The following CPEB3 variants were observed in gnomAD, a reference collection of about 807,000 sequenced individuals.
CPEB3 encodes the protein cytoplasmic polyadenylation element-binding protein 3.
CPEB3 carries 20 observed loss-of-function variants against 67.2 expected under a neutral mutation model. The observed-to-expected ratio is 0.30, with a 90% CI of 0.21 to 0.43. The LOEUF is 0.43. CPEB3 is among the 20% of genes least tolerant of loss of function. The pLI is 1.00. For missense variants in CPEB3, 746 were observed against 968.6 expected (o/e 0.77, Z 3.05); for synonymous variants, 376 against 393.1 (o/e 0.96, Z 0.51).
At position 92,188,352 on chromosome 10, in the gene CPEB3, A is replaced by C. The variant is rs959172899; in HGVS notation, c.1165+4125T>G. 4.9e-5 allele frequency among the ~76,000 whole-genome samples: 6 copies of C among 122,338 alleles called. No individual in the cohort carries two copies. In the East Asian group the frequency reaches 9.5e-4, roughly 19 times the overall value. The allele number at this position is 122,338 out of a possible 152,430, so 80.3% of individuals were successfully genotyped here. A position where few individuals can be genotyped will look rare whatever the true frequency, so the allele number is the denominator to read the frequency against. ...AAAAAAAAAAAAAAAAAAAAAAAAA[A>C]CCCAGGAGATTATTACCTTATTCCG... On this transcript the variant is annotated intron_variant, in intron 3 of 9. Coordinates refer to ENST00000265997, the MANE Select transcript of CPEB3 (RefSeq NM_014912.5).
chr10:92,254,943 A>G (rs1002130628), intron 1 of CPEB3, among the ~76,000 whole-genome samples: 1 of 151,494 alleles, frequency 6.6e-6, no homozygotes, highest in Non-Finnish European at 1.5e-5. Flanking sequence ...CCGGGCCTCC[A>G]GTTATTCTCC....
rs1403972572 is a variant in CPEB3 at position 92,239,925 on chromosome 10, A to G, written c.426T>C (p.His142=). The G allele has an allele frequency of 6.2e-7, 1 of 1,613,164 alleles. No homozygotes were observed. Among genetic ancestry groups the G allele is most frequent in the Non-Finnish European group, 8.5e-7 (1 of 1,179,662 alleles). The change falls in exon 2 of 10, where the codon CAT becomes CAC. Residue 142 remains histidine (H), a synonymous_variant. Coordinates refer to ENST00000265997, the MANE Select transcript of CPEB3 (RefSeq NM_014912.5). The surrounding 1 kb of genome is among the most constrained non-coding windows in gnomAD (Gnocchi z 6.0). ...GTMLFQNFPH[H]VNPVFGGTFS... is the part of the protein sequence containing the mutation. ...AAGTGCCTCCGAAGACTGGGTTGAC[A>G]TGGTGCGGGAAGTTCTGGAAGAGCA...
intron 4 of CPEB3, among the ~76,000 whole-genome samples, chr10:92,155,615 G>C (rs149704314): frequency 6.6e-6 from 1 of 152,282 alleles, no homozygotes; most frequent in East Asian, 1.9e-4. Flanking sequence ...TTTTCTGTCC[G>C]TTCTTTTTTC....
chr10:92,191,189 G>A (rs1214951820), intron 3 of CPEB3, among the ~76,000 whole-genome samples: 1 of 151,968 alleles, frequency 6.6e-6, no homozygotes, highest in Non-Finnish European at 1.5e-5. Context: ...ATCACTAGAG[G>A]TCAGGAGTCT....
intron 6 of CPEB3, among the ~76,000 whole-genome samples, chr10:92,133,008 A>C (rs930353268): frequency 6.6e-6 from 1 of 152,244 alleles, no homozygotes; most frequent in Non-Finnish European, 1.5e-5. Context: ...TCTGGGACAC[A>C]TTTAAAGCAG....
At chr10:92,063,168 T>C (rs1454818478) in intron 9 of CPEB3, among the ~76,000 whole-genome samples, 1 of 152,250 alleles carries the variant, frequency 6.6e-6, no homozygotes, top group African/African-American at 2.4e-5. Flanking sequence ...GCTTTGTTTC[T>C]AACAAGCTAG....
chr10:92,188,320 TAAAAAAAAAAAAAAAA>T lies in CPEB3; in HGVS notation c.1165+4141_1165+4156del, dbSNP rs756970118. On this transcript the variant is annotated intron_variant, in intron 3 of 9. Transcript: ENST00000265997. ...AAAGAAAAGTATATGTAAGACATAG[TAAAAAAAAAAAAAAAA>T]AAAAAAAAAAAAAAAACCCAGGAGA... Among the ~76,000 whole-genome samples the T allele has an allele frequency of 2.2e-4, 8 of 36,966 alleles. No individual in the cohort carries two copies. In the East Asian group the frequency reaches 5.3e-3, roughly 24 times the overall value. The allele number at this position is 36,966 out of a possible 152,430, so 24.3% of individuals were successfully genotyped here.
At chr10:92,213,607 C>T (rs959466938) in intron 2 of CPEB3, among the ~76,000 whole-genome samples, 2 of 152,158 alleles carry the variant, frequency 1.3e-5, no homozygotes, top group African/African-American at 4.8e-5. Flanking sequence ...AGGCTATAAA[C>T]ATGTCCTAAA....
intron 1 of CPEB3, among the ~76,000 whole-genome samples, chr10:92,285,991 AGT>A (rs1209204874): frequency 6.7e-6 from 1 of 148,874 alleles, no homozygotes; most frequent in Admixed American, 6.7e-5. Context: ...GCTGGAGTGC[AGT>A]GGTACAATCT....
intron 1 of CPEB3, among the ~76,000 whole-genome samples, chr10:92,258,670 ATATATATATT>A (rs1852647916): frequency 9.3e-6 from 1 of 107,246 alleles, no homozygotes; most frequent in African/African-American, 3.4e-5. Context: ...ATATATATAT[ATATATATATT>A]TCATGTATTT....
rs115234904 is a variant in CPEB3 at position 92,185,913 on chromosome 10, C to T, written c.1166-4894G>A. Among the ~76,000 whole-genome samples the T allele has an allele frequency of 8.2e-3, 1,244 of 152,240 alleles. 23 individuals carry two copies. The highest frequency in any genetic ancestry group is 0.029 in the African/African-American group (1,189 of 41,524). On this transcript the variant is annotated intron_variant, in intron 3 of 9. Coordinates refer to ENST00000265997, the MANE Select transcript of CPEB3 (RefSeq NM_014912.5). ...GATAAAACTTTGATACTAAAATATT[C>T]TAAATATGTTCCAAATAACCAATAA...
intron 1 of CPEB3, among the ~76,000 whole-genome samples, chr10:92,246,328 C>T (rs528899817): frequency 3.0e-4 from 44 of 148,278 alleles, no homozygotes; most frequent in Middle Eastern, 3.4e-3. Context: ...AGCGAGACTC[C>T]GTCTCAAAAA....
At chr10:92,058,946 CA>C (rs1488264060) in intron 9 of CPEB3, among the ~76,000 whole-genome samples, 2 of 151,932 alleles carry the variant, frequency 1.3e-5, no homozygotes, top group African/African-American at 2.4e-5. Context: ...TTAAAACATT[CA>C]AAAAAATTGA....
intron 6 of CPEB3, among the ~76,000 whole-genome samples, chr10:92,136,482 T>A (rs1434577981): frequency 6.6e-6 from 1 of 151,720 alleles, no homozygotes; most frequent in African/African-American, 2.4e-5. Context: ...CTCAAACAAC[T>A]CAATAGGAAA....
At chr10:92,086,911 A>G (rs1236857253) in intron 8 of CPEB3, among the ~76,000 whole-genome samples, 1 of 152,242 alleles carries the variant, frequency 6.6e-6, no homozygotes, top group Non-Finnish European at 1.5e-5. Flanking sequence ...TTATCCCTAA[A>G]GGTAATACAG....
intron 8 of CPEB3, among the ~76,000 whole-genome samples, chr10:92,090,916 T>A (rs957387306): frequency 6.6e-6 from 1 of 152,220 alleles, no homozygotes. Flanking sequence ...AGAACAAATA[T>A]GTTTAAAAGT....
rs1350023242 is a variant in CPEB3 at position 92,239,791 on chromosome 10, G to A, written c.560C>T (p.Pro187Leu). The A allele has an allele frequency of 4.3e-6, 6 of 1,411,282 alleles. No individual in the cohort carries two copies. The highest frequency in any genetic ancestry group is 3.2e-5 in the South Asian group (2 of 61,908). The allele number at this position is 1,411,282 out of a possible 1,614,324, so 87.4% of individuals were successfully genotyped here. A position where few individuals can be genotyped will look rare whatever the true frequency, so the allele number is the denominator to read the frequency against. Residue 187 changes from proline to leucine, a missense_variant, in exon 2 of 10, where the codon CCG becomes CTG. Pro to Leu is a moderately conservative substitution (Grantham distance 98). This residue lies in a region of CPEB3 where 643 missense variants were observed against 717.5 expected (regional missense o/e 0.90). Transcript: ENST00000265997. The surrounding 1 kb of genome is among the most constrained non-coding windows in gnomAD (Gnocchi z 6.0). ...GCTGGCGGGTGAGCGGCGCTGCTGCGGGGGCTGCGCCTGTGGTGGCTGCGC... is the reference window on the plus strand; with the variant it reads ...GCTGGCGGGTGAGCGGCGCTGCTGCAGGGGCTGCGCCTGTGGTGGCTGCGC... ...QPAQPPQAQP[P>L]QQRRSPASPS...
At chr10:92,114,690 C>T (rs1844916226) in intron 6 of CPEB3, among the ~76,000 whole-genome samples, 2 of 152,178 alleles carry the variant, frequency 1.3e-5, no homozygotes, top group Admixed American at 1.3e-4. Flanking sequence ...GGAAATTACA[C>T]AGAGTGATTA....
At chr10:92,287,186 T>C (rs1235242992) in intron 1 of CPEB3, among the ~76,000 whole-genome samples, 1 of 151,620 alleles carries the variant, frequency 6.6e-6, no homozygotes, top group South Asian at 2.1e-4. Flanking sequence ...TGGAGTGCAG[T>C]GGTGCGATCT....
Sources: gnomAD v4.1 joint callset for allele counts (sites outside exome capture counted in the v4.1 genomes callset) on GRCh38, gnomAD v4.1.1 for gene constraint, gnomAD v4.1.1 regional missense constraint, Gnocchi (gnomAD v3.1) non-coding constraint, MANE v1.5 for transcripts, NCBI Gene and HGNC (gene_info 2026-07-23, HGNC 2026-07-21) for gene names.